The following NRG3 variants were observed in gnomAD, a reference collection of about 807,000 sequenced individuals.
The protein encoded by NRG3 is neuregulin 3.
NRG3 carries 31 observed loss-of-function variants against 66.9 expected under a neutral mutation model. That is an observed-to-expected ratio of 0.46 (90% CI 0.35 to 0.63). NRG3 has a LOEUF of 0.63. NRG3 is among the 20% of genes least tolerant of loss of function. The probability of loss-of-function intolerance (pLI) is 0.00; values close to 1 mark genes in which losing one functional copy is unlikely to be tolerated. For synonymous variants in NRG3, 393 were observed against 359.4 expected (o/e 1.09, Z -1.06); for missense variants, 910 against 878.9 (o/e 1.04, Z -0.45).
At chr10:82,061,285 A>C (rs1425695859) in intron 1 of NRG3, among the ~76,000 whole-genome samples, 3 of 152,166 alleles carry the variant, frequency 2.0e-5, no homozygotes, top group Admixed American at 6.5e-5. Context: ...CAGGAGGCGG[A>C]GGTTGCGGTG....
intron 1 of NRG3, among the ~76,000 whole-genome samples, chr10:81,912,686 G>T (rs1191274263): frequency 6.6e-6 from 1 of 152,186 alleles, no homozygotes; most frequent in Non-Finnish European, 1.5e-5. Flanking sequence ...TTAAGGTTGA[G>T]ATCTGTTGTC....
At chr10:82,796,073 C>T (rs2060788765) in intron 3 of NRG3, among the ~76,000 whole-genome samples, 1 of 152,058 alleles carries the variant, frequency 6.6e-6, no homozygotes, top group Non-Finnish European at 1.5e-5. Flanking sequence ...ATACTGAAGT[C>T]TGTTCAGTGT....
chr10:82,621,893 G>GT (rs1279340209), intron 2 of NRG3, among the ~76,000 whole-genome samples: 1 of 152,208 alleles, frequency 6.6e-6, no homozygotes, highest in Non-Finnish European at 1.5e-5. Context: ...AACCAAGCCA[G>GT]TGGTAGATAA....
At position 82,572,153 on chromosome 10, in the gene NRG3, T is replaced by C. The variant is rs1489826038; in HGVS notation, c.954-166424T>C. Among the ~76,000 whole-genome samples the C allele has an allele frequency of 1.4e-4, 21 of 151,772 alleles. No individual in the cohort carries two copies. The Admixed American group carries it at 1.4e-3, about 10-fold the overall frequency. ...CCTCCTTTTGTGGAAGTGAATTCTA[T>C]ACTTGAACATATTTAATATTGTATA... On this transcript the variant is annotated intron_variant, in intron 2 of 8. Transcript: ENST00000372141.
At chr10:82,332,168 G>A (rs2082168707) in intron 1 of NRG3, among the ~76,000 whole-genome samples, 1 of 152,210 alleles carries the variant, frequency 6.6e-6, no homozygotes, top group Non-Finnish European at 1.5e-5. Flanking sequence ...GCCTCTCACA[G>A]CTGGGGAACT....
intron 1 of NRG3, among the ~76,000 whole-genome samples, chr10:82,091,756 G>A (rs368206446): frequency 4.6e-5 from 7 of 152,120 alleles, no homozygotes; most frequent in African/African-American, 9.7e-5. Flanking sequence ...CAGCAGCTGC[G>A]CCATTCCTGC....
intron 4 of NRG3, among the ~76,000 whole-genome samples, chr10:82,948,143 C>T (rs569683189): frequency 1.3e-5 from 2 of 151,958 alleles, no homozygotes; most frequent in African/African-American, 4.8e-5. Context: ...GCTATATATA[C>T]TATTGATGCA....
chr10:82,701,128 A>C (rs1408117140), intron 2 of NRG3, among the ~76,000 whole-genome samples: 12 of 152,208 alleles, frequency 7.9e-5, no homozygotes, highest in Non-Finnish European at 1.8e-4. Context: ...AATTGTATAT[A>C]TTTTAATCAT....
In NRG3 at chr10:82,785,125, G is replaced by A. The variant is rs553185486; in HGVS notation, c.1027+46475G>A. Among the ~76,000 whole-genome samples the A allele has an allele frequency of 5.3e-5, 8 of 149,930 alleles. No homozygotes were observed. The East Asian group carries it at 9.9e-4, about 19-fold the overall frequency. On this transcript the variant is annotated intron_variant, in intron 3 of 8. Coordinates refer to ENST00000372141, the MANE Select transcript of NRG3 (RefSeq NM_001010848.4). ...AAGGACAAAAAACCAAACACCGCAT[G>A]TTCTCACTCATAGATGGGAATTGAA...
chr10:82,378,321 G>T (rs1275609365), intron 2 of NRG3, among the ~76,000 whole-genome samples: 1 of 152,194 alleles, frequency 6.6e-6, no homozygotes, highest in Admixed American at 6.5e-5. Context: ...GAGTACGTGT[G>T]ATTTGAAGCC....
chr10:82,434,710 T>C (rs1401584970), intron 2 of NRG3, among the ~76,000 whole-genome samples: 1 of 152,108 alleles, frequency 6.6e-6, no homozygotes, highest in African/African-American at 2.4e-5. Context: ...ATAATCATGG[T>C]TTTTGTCATT....
intron 2 of NRG3, among the ~76,000 whole-genome samples, chr10:82,386,633 T>C (rs1027566567): frequency 2.0e-5 from 3 of 152,196 alleles, no homozygotes; most frequent in Admixed American, 1.3e-4. Flanking sequence ...ATATTGAAGA[T>C]ATTTTTACTA....
chr10:82,319,772 G>A (rs2081471438), intron 1 of NRG3, among the ~76,000 whole-genome samples: 1 of 152,202 alleles, frequency 6.6e-6, no homozygotes. Context: ...CCCAGAGTGG[G>A]AGGAGCTGAT....
intron 2 of NRG3, among the ~76,000 whole-genome samples, chr10:82,418,884 TA>T (rs1166300071): frequency 1.1e-4 from 17 of 152,050 alleles, no homozygotes; most frequent in Non-Finnish European, 2.1e-4. Flanking sequence ...ACAGAATACT[TA>T]AAAATAACAT....
intron 1 of NRG3, among the ~76,000 whole-genome samples, chr10:82,190,356 A>G (rs1414330095): frequency 1.3e-5 from 2 of 152,210 alleles, no homozygotes; most frequent in African/African-American, 4.8e-5. Flanking sequence ...TTTAACAAAT[A>G]AAGTTATGGC....
intron 3 of NRG3, among the ~76,000 whole-genome samples, chr10:82,824,558 T>C (rs147434572): frequency 2.0e-5 from 3 of 152,300 alleles, no homozygotes; most frequent in Non-Finnish European, 4.4e-5. Context: ...TTGATTCTAG[T>C]TATAGTAGTG....
chr10:82,562,140 G>A (rs757755030), intron 2 of NRG3, among the ~76,000 whole-genome samples: 7 of 152,038 alleles, frequency 4.6e-5, no homozygotes, highest in East Asian at 1.9e-4. Context: ...GAAATATTAC[G>A]GTGCTAAATT....
intron 4 of NRG3, among the ~76,000 whole-genome samples, chr10:82,889,195 G>C (rs1842951267): frequency 6.6e-6 from 1 of 152,102 alleles, no homozygotes. Flanking sequence ...TAAGGATCTA[G>C]AGGAGACACG....
At chr10:82,419,252 T>C (rs1224891520) in intron 2 of NRG3, among the ~76,000 whole-genome samples, 4 of 152,200 alleles carry the variant, frequency 2.6e-5, no homozygotes, top group African/African-American at 4.8e-5. Flanking sequence ...CTTTTCCTAA[T>C]TTAAGGCAAA....
Sources: allele counts gnomAD v4.1 joint callset (sites outside exome capture counted in the v4.1 genomes callset), GRCh38; gene constraint gnomAD v4.1.1; transcripts MANE v1.5; gene names NCBI Gene and HGNC (gene_info 2026-07-23, HGNC 2026-07-21).